The following CUX1 variants were observed in gnomAD, a reference collection of about 807,000 sequenced individuals.
CUX1 encodes the protein protein CASP.
Under a neutral mutation model 158.8 loss-of-function variants are expected in CUX1, and 31 were observed. The ratio of observed to expected loss-of-function variants is 0.20; its 90% confidence interval spans 0.15 to 0.26. The LOEUF is 0.26. Among genes scored for constraint, CUX1 ranks in the 10% least tolerant of loss-of-function variants. CUX1 has a pLI of 1.00. For missense variants in CUX1, 1,589 were observed against 2,014.6 expected (o/e 0.79, Z 4.04); for synonymous variants, 879 against 862.1 (o/e 1.02, Z -0.34).
intron 23 of CUX1, among the ~76,000 whole-genome samples, 157 bp downstream of exon 23, chr7:102,239,741 TTTC>T (rs1554534258): frequency 2.6e-5 from 4 of 151,130 alleles, no homozygotes; most frequent in Non-Finnish European, 3.0e-5. Flanking sequence ...GGGTTTTTTT[TTTC>T]TTTTCTTTTC....
intron 5 of CUX1, among the ~76,000 whole-genome samples, chr7:102,103,191 G>A (rs555832619): frequency 1.1e-4 from 17 of 152,252 alleles, no homozygotes; most frequent in African/African-American, 3.9e-4. Flanking sequence ...AGTCACCGGA[G>A]CATCTTCCCC....
In CUX1 at chr7:101,819,583, A is replaced by G. The variant is rs184279687; in HGVS notation, c.30+1914A>G. On this transcript the variant is annotated intron_variant, in intron 1 of 23. Transcript: ENST00000292535. ...TGGCTGTCCAGTACTGTTTGCCATAATAAGTATATTATTTTAATTAAAATG... is the reference window on the plus strand; with the variant it reads ...TGGCTGTCCAGTACTGTTTGCCATAGTAAGTATATTATTTTAATTAAAATG... 5.1e-3 allele frequency among the ~76,000 whole-genome samples: 783 copies of G among 152,266 alleles called. 5 individuals are homozygous for G. Among genetic ancestry groups the G allele is most frequent in the Admixed American group, 0.015 (233 of 15,286 alleles).
chr7:102,253,410 G>A lies in CUX1; in HGVS notation c.*4368G>A. 4.1e-6 allele frequency: 4 copies of A among 985,466 alleles called. No homozygotes were observed. In the South Asian group the frequency reaches 1.9e-4, roughly 46 times the overall value. The allele number at this position is 985,466 out of a possible 1,614,324, so 61.0% of individuals were successfully genotyped here. ...GCCACAGCCAGGCCCTAAAAAGAGA[G>A]GGGAACAGGAGTCCCCAGGTGAGCT... On this transcript the variant is annotated 3_prime_UTR_variant, in exon 24 of 24. Transcript: ENST00000292535.
chr7:102,269,575 T>G (rs1041016854), intron 14 of CUX1, among the ~76,000 whole-genome samples: 1 of 86,546 alleles, frequency 1.2e-5, no homozygotes, highest in Non-Finnish European at 2.8e-5. Flanking sequence ...CCGGCTAATT[T>G]TTTTTTTTTT....
At chr7:101,850,703 G>C (rs1236711339) in intron 1 of CUX1, among the ~76,000 whole-genome samples, 1 of 152,046 alleles carries the variant, frequency 6.6e-6, no homozygotes, top group Non-Finnish European at 1.5e-5. Context: ...CTAAGTAGCA[G>C]GCTTATACCA....
At chr7:102,258,257 AAAG>A, downstream of CUX1, 2 of 903,034 alleles carry the variant, frequency 2.2e-6, no homozygotes, top group Non-Finnish European at 2.6e-6. Context: ...GTTTTTATTT[AAAG>A]TGCTCTGGCC....
chr7:101,980,763 G>T (rs1419915394), intron 2 of CUX1, among the ~76,000 whole-genome samples: 1 of 151,994 alleles, frequency 6.6e-6, no homozygotes, highest in East Asian at 1.9e-4. Flanking sequence ...CAAGAACAGG[G>T]CTCCTGAAGG....
chr7:102,210,988 G>C (rs1320488805), intron 20 of CUX1, among the ~76,000 whole-genome samples: 1 of 152,200 alleles, frequency 6.6e-6, no homozygotes, highest in Non-Finnish European at 1.5e-5. Context: ...CAGGGCTCGT[G>C]AGCTTTGAAC....
chr7:102,119,428 A>C (rs1554492756), intron 8 of CUX1, among the ~76,000 whole-genome samples: 2 of 152,200 alleles, frequency 1.3e-5, no homozygotes, highest in African/African-American at 4.8e-5. Context: ...AAAGTTTTCC[A>C]TGTGTAGGCT....
chr7:101,951,785 G>A (rs941095897), intron 2 of CUX1, among the ~76,000 whole-genome samples: 1 of 152,248 alleles, frequency 6.6e-6, no homozygotes, highest in African/African-American at 2.4e-5. Context: ...GGGATTACAG[G>A]TATGGGCCAC....
intron 3 of CUX1, among the ~76,000 whole-genome samples, chr7:102,056,870 A>T (rs1214876778): frequency 6.7e-6 from 1 of 148,940 alleles, no homozygotes; most frequent in Non-Finnish European, 1.5e-5. Flanking sequence ...CACTCGGCTG[A>T]TAAAAAGATT....
chr7:102,163,245 A>G (rs982854132), intron 9 of CUX1, among the ~76,000 whole-genome samples: 1 of 152,030 alleles, frequency 6.6e-6, no homozygotes, highest in African/African-American at 2.4e-5. Flanking sequence ...CGGCAGTTGG[A>G]GAGGCCGAGG....
chr7:101,853,584 G>GGTGTGTGTGTGTGTGT (rs59324904), intron 1 of CUX1, among the ~76,000 whole-genome samples: 1,665 of 140,796 alleles, frequency 0.012, 56 homozygotes, highest in African/African-American at 0.043. Flanking sequence ...CAATAGAAAG[G>GGTGTGTGTGTGTGTGT]GTGTGTGTGT....
intron 2 of CUX1, among the ~76,000 whole-genome samples, chr7:102,009,950 A>C (rs1306418790): frequency 6.6e-6 from 1 of 152,198 alleles, no homozygotes; most frequent in Non-Finnish European, 1.5e-5. Context: ...TACATGTTAA[A>C]ACCTATAAAG....
chr7:102,172,383 C>T (rs959076741), intron 10 of CUX1, among the ~76,000 whole-genome samples: 1 of 151,676 alleles, frequency 6.6e-6, no homozygotes, highest in Admixed American at 6.6e-5. Flanking sequence ...CGGGATCTCA[C>T]TCGGTCACCC....
rs146826443 is a variant in CUX1, at chr7:102,165,881, G to A, written c.724-4565G>A. Among the ~76,000 whole-genome samples the A allele has an allele frequency of 1.4e-3, 214 of 152,278 alleles. 3 individuals carry two copies. The highest frequency in any genetic ancestry group is 2.6e-3 in the Non-Finnish European group (174 of 68,010). On this transcript the variant is annotated intron_variant, in intron 9 of 23. Coordinates refer to ENST00000292535, the MANE Select transcript of CUX1 (RefSeq NM_181552.4). ...CCCCAGAGAAGCGAGGCTCCCCTGG[G>A]TCTCACGGTGGAAACCATCTCTGTA...
chr7:102,266,307 G>T (rs187850722), intron 14 of CUX1, among the ~76,000 whole-genome samples: 2 of 151,848 alleles, frequency 1.3e-5, no homozygotes, highest in East Asian at 3.9e-4. Flanking sequence ...CTGAGCCACC[G>T]AAGGGTCGCA....
upstream of CUX1, chr7:101,817,605 C>T (rs1242262174): frequency 1.3e-6 from 2 of 1,536,174 alleles, no homozygotes; most frequent in East Asian, 2.5e-5. The surrounding 1 kb of genome is among the most constrained non-coding windows in gnomAD (Gnocchi z 4.1). Flanking sequence ...TCGGCGCCCG[C>T]GGCGCCGGGA....
chr7:102,217,148 G>C (rs1312513976), intron 20 of CUX1, among the ~76,000 whole-genome samples: 3 of 152,244 alleles, frequency 2.0e-5, no homozygotes, highest in African/African-American at 7.2e-5. Flanking sequence ...AGGCGAGCCT[G>C]TGCCCCTGAA....
Sources: gnomAD v4.1 joint callset for allele counts (sites outside exome capture counted in the v4.1 genomes callset) on GRCh38, gnomAD v4.1.1 for gene constraint, Gnocchi (gnomAD v3.1) non-coding constraint, MANE v1.5 for transcripts, NCBI Gene and HGNC (gene_info 2026-07-23, HGNC 2026-07-21) for gene names.